The following PCNX4 variants were observed in gnomAD, a reference collection of about 807,000 sequenced individuals.
The protein encoded by PCNX4 is pecanex 4.
A neutral mutation model predicts 107.2 loss-of-function variants in PCNX4; 103 were observed. The observed-to-expected ratio is 0.96, with a 90% CI of 0.82 to 1.13. PCNX4 has a LOEUF of 1.13. Ranked by LOEUF, PCNX4 falls within the 50% of genes most tolerant of loss-of-function variation. The probability of loss-of-function intolerance (pLI) is 0.00; values close to 1 mark genes in which losing one functional copy is unlikely to be tolerated. For missense variants in PCNX4, 1,528 were observed against 1,379.4 expected (o/e 1.11, Z -1.71); for synonymous variants, 541 against 481.7 (o/e 1.12, Z -1.61).
chr14:60,147,476 C>A lies in PCNX4; in HGVS notation c.*13255C>A, dbSNP rs1471354844. The A allele has an allele frequency of 1.3e-5, 2 of 152,050 alleles. No homozygotes were observed. The highest frequency in any genetic ancestry group is 3.9e-4 in the East Asian group (2 of 5,186). The allele number at this position is 152,050 out of a possible 1,614,324, so 9.4% of individuals were successfully genotyped here. A position where few individuals can be genotyped will look rare whatever the true frequency, so the allele number is the denominator to read the frequency against. ...TTTTACAGTGTATATTAGATCATCA[C>A]AATGTATACCTTAAATATATATAAT... On this transcript the variant is annotated 3_prime_UTR_variant, in exon 11 of 11. Coordinates refer to ENST00000406854, the MANE Select transcript of PCNX4 (RefSeq NM_001330177.2).
At chr14:60,130,849 C>T (rs1896141377) in intron 10 of PCNX4, among the ~76,000 whole-genome samples, 1 of 151,818 alleles carries the variant, frequency 6.6e-6, no homozygotes, top group Admixed American at 6.6e-5. Flanking sequence ...CACCTGTAAT[C>T]CCAGCACTTT....
At position 60,114,872 on chromosome 14, in the gene PCNX4, C is replaced by T; in HGVS notation, c.862C>T (p.His288Tyr). 1 of 1,598,576 alleles carries T rather than the reference C, an allele frequency of 6.3e-7. No individual in the cohort carries two copies. The highest frequency in any genetic ancestry group is 1.1e-5 in the South Asian group (1 of 87,476). Reference sequence around the variant, plus strand: ...CCTTGGAGGCTCATCTATGTCAACCCACTTACGGTATTTATTTTTAAATAT... The same window carrying T: ...CCTTGGAGGCTCATCTATGTCAACCTACTTACGGTATTTATTTTTAAATAT... ...FGLGGSSMST[H>Y]LRLLVMFIMS... The change falls in exon 3 of 11, where the codon CAC (histidine) becomes TAC (tyrosine). Residue 288 changes from histidine (H) to tyrosine (Y), a missense_variant. His to Tyr is a moderately conservative substitution (Grantham distance 83). Transcript: ENST00000406854.
intron 2 of PCNX4, chr14:60,110,334 C>G (rs770001145): frequency 4.8e-5 from 8 of 167,118 alleles, no homozygotes; most frequent in African/African-American, 7.2e-5. Context: ...GGGCTACCAC[C>G]TGTTTCAACA....
chr14:60,140,644 A>G lies in PCNX4; in HGVS notation c.*6423A>G, dbSNP rs1487220330. On this transcript the variant is annotated 3_prime_UTR_variant, in exon 11 of 11. Transcript: ENST00000406854. This position sits in a 1 kb window ranked among gnomAD's most constrained non-coding sequence, Gnocchi z 4.2. Reference sequence around the variant, plus strand: ...CCCCTACACACACAGAATAATCACAATCAAGTTGGGTTTCTTCCTGAAAAA... The same window carrying G: ...CCCCTACACACACAGAATAATCACAGTCAAGTTGGGTTTCTTCCTGAAAAA... The G allele has an allele frequency of 6.6e-6, 1 of 151,968 alleles. No homozygotes were observed. Among genetic ancestry groups the G allele is most frequent in the Non-Finnish European group, 1.5e-5 (1 of 67,964 alleles). The allele number at this position is 151,968 out of a possible 1,614,324, so 9.4% of individuals were successfully genotyped here. A position where few individuals can be genotyped will look rare whatever the true frequency, so the allele number is the denominator to read the frequency against.
intron 6 of PCNX4, among the ~76,000 whole-genome samples, 183 bp from the exon 7 acceptor site, chr14:60,118,146 A>T (rs1389902432): frequency 6.6e-6 from 1 of 151,912 alleles, no homozygotes; most frequent in Middle Eastern, 3.2e-3. Flanking sequence ...AAACTTTAAA[A>T]TATAGTCTTG....
rs774155956 is a variant in PCNX4 at position 60,108,314 on chromosome 14, G to C, written c.676G>C (p.Asp226His). The change falls in exon 2 of 11, where the codon GAT (aspartate) becomes CAT (histidine). Residue 226 changes from aspartate to histidine, a missense_variant. Coordinates refer to ENST00000406854, the MANE Select transcript of PCNX4 (RefSeq NM_001330177.2). ...PLYIFFFVSV[D>H]LAHRFVVNMP... ...TTATATTTTTTTCTTTGTTTCTGTG[G>C]ATCTGGCACACAGGTAAAAACCTAC... 8.7e-6 allele frequency: 14 copies of C among 1,605,660 alleles called. No homozygotes were observed. In the Admixed American group the frequency reaches 1.5e-4, roughly 17 times the overall value.
At chr14:60,132,129 G>A (rs1896165898) in intron 10 of PCNX4, among the ~76,000 whole-genome samples, 1 of 152,208 alleles carries the variant, frequency 6.6e-6, no homozygotes, top group Non-Finnish European at 1.5e-5. Flanking sequence ...TTCCTCTAAC[G>A]GCTCTAGGAA....
At chr14:60,107,372 C>T (rs1359423594) in intron 1 of PCNX4, among the ~76,000 whole-genome samples, 1 of 152,112 alleles carries the variant, frequency 6.6e-6, no homozygotes, top group Non-Finnish European at 1.5e-5. Context: ...GAGTGATACC[C>T]TCTCTCAAAA....
rs1896401055 is a variant in PCNX4 at position 60,146,149 on chromosome 14, AAG to A, written c.*11929_*11930del. On this transcript the variant is annotated 3_prime_UTR_variant, in exon 11 of 11. Coordinates refer to ENST00000406854, the MANE Select transcript of PCNX4 (RefSeq NM_001330177.2). This position sits in a 1 kb window ranked among gnomAD's most constrained non-coding sequence, Gnocchi z 4.9. ...GCCCAGCTTATAATAAAGAGTGACA[AAG>A]TAGTAAGACTATATAATAAGCAATA... is the stretch of plus-strand genomic sequence containing the variant. The A allele has an allele frequency of 6.6e-6, 1 of 151,940 alleles. No homozygotes were observed. The highest frequency in any genetic ancestry group is 1.5e-5 in the Non-Finnish European group (1 of 67,960). 9.4% of individuals were successfully genotyped at this position (151,940 alleles called of 1,614,324 possible).
intron 10 of PCNX4, among the ~76,000 whole-genome samples, chr14:60,127,894 G>A: frequency 6.6e-6 from 1 of 152,068 alleles, no homozygotes; most frequent in East Asian, 1.9e-4. Context: ...ACAGTATGGT[G>A]ACAATCACAT....
intron 5 of PCNX4, 51 bp downstream of exon 5, chr14:60,115,870 T>C: frequency 6.3e-7 from 1 of 1,587,180 alleles, no homozygotes; most frequent in South Asian, 1.1e-5. Context: ...AGTTTTATTG[T>C]AATTTTGTTT....
rs142289515 is a variant in PCNX4, at chr14:60,122,619, A to G, written c.2046+1320A>G. On this transcript the variant is annotated intron_variant, in intron 8 of 10. Coordinates refer to ENST00000406854, the MANE Select transcript of PCNX4 (RefSeq NM_001330177.2). ...TGCTTTACTTTTTCCTTATTTTTAT[A>G]GTACTTATACCTTCTCACAAACTAT... 5.5e-4 allele frequency among the ~76,000 whole-genome samples: 84 copies of G among 152,118 alleles called. No homozygotes were observed. In the East Asian group the frequency reaches 0.015, roughly 26 times the overall value.
In PCNX4 at chr14:60,147,777, C is replaced by T. The variant is rs187472801; in HGVS notation, c.*13556C>T. On this transcript the variant is annotated 3_prime_UTR_variant, in exon 11 of 11. Coordinates refer to ENST00000406854, the MANE Select transcript of PCNX4 (RefSeq NM_001330177.2). ...CTTGCTTTAAGGGCATGGGGCAGAGCTGGGATTTGAACCCAGGTAGCCTAG... is the reference window on the plus strand; with the variant it reads ...CTTGCTTTAAGGGCATGGGGCAGAGTTGGGATTTGAACCCAGGTAGCCTAG... 2 of 152,188 alleles carry T rather than the reference C, an allele frequency of 1.3e-5. No individual in the cohort carries two copies. Among genetic ancestry groups the T allele is most frequent in the Admixed American group, 1.3e-4 (2 of 15,284 alleles). 9.4% of individuals were successfully genotyped at this position (152,188 alleles called of 1,614,324 possible).
chr14:60,121,271 G>T lies in PCNX4; in HGVS notation c.2018G>T (p.Gly673Val). 6.2e-7 allele frequency: 1 copy of T among 1,610,618 alleles called. No homozygotes were observed. Among genetic ancestry groups the T allele is most frequent in the Middle Eastern group, 1.7e-4 (1 of 6,044 alleles). Residue 673 changes from glycine to valine, a missense_variant, in exon 8 of 11, where the codon GGC becomes GTC. By Grantham distance (109) the Gly-to-Val change is moderately radical. Transcript: ENST00000406854. ...ATGTGGATAATGATTCTGGAATGTGGCTATACTTACTGCTCTATTAACATT... is the reference window on the plus strand; with the variant it reads ...ATGTGGATAATGATTCTGGAATGTGTCTATACTTACTGCTCTATTAACATT... ...RLMWIMILEC[G>V]YTYCSINIKG...
At chr14:60,125,980 C>G (rs1003813198) in intron 10 of PCNX4, 157 bp downstream of exon 10, 4 of 512,906 alleles carry the variant, frequency 7.8e-6, no homozygotes, top group Non-Finnish European at 1.3e-5. Context: ...TTTGGCTAAG[C>G]TAGATGAACT....
In PCNX4 at chr14:60,107,903, T is replaced by TC; in HGVS notation, c.265_266insC (p.Phe89SerfsTer27). On this transcript the variant is annotated frameshift_variant, in exon 2 of 11. Coordinates refer to ENST00000406854, the MANE Select transcript of PCNX4 (RefSeq NM_001330177.2). LOFTEE classifies it high-confidence loss of function. ...GCTTTTTACTGCATTTGTCATCCAG[T>TC]TCACAAGTTTATACGCCAAAAACAA... 6.2e-7 allele frequency: 1 copy of TC among 1,612,880 alleles called. No individual in the cohort carries two copies. The highest frequency in any genetic ancestry group is 8.5e-7 in the Non-Finnish European group (1 of 1,179,898).
chr14:60,134,097 A>T lies in PCNX4; in HGVS notation c.3395A>T (p.Asp1132Val). 6.2e-7 allele frequency: 1 copy of T among 1,613,916 alleles called. No homozygotes were observed. The highest frequency in any genetic ancestry group is 8.5e-7 in the Non-Finnish European group (1 of 1,179,812). ...GAATTACTTTATGCCACAAACGATG[A>T]TGAAGAACGTTATAGTATACAAGCT... is the stretch of plus-strand genomic sequence containing the variant. ...SWELLYATND[D>V]EERYSIQAHP... The change falls in exon 11 of 11, where the codon GAT becomes GTT. Residue 1132 changes from aspartate to valine, a missense_variant. Coordinates refer to ENST00000406854, the MANE Select transcript of PCNX4 (RefSeq NM_001330177.2).
intron 2 of PCNX4, among the ~76,000 whole-genome samples, chr14:60,112,843 C>CT (rs1363079523): frequency 6.6e-6 from 1 of 152,190 alleles, no homozygotes; most frequent in Non-Finnish European, 1.5e-5. Context: ...GTATTGTCCT[C>CT]TAATTTAACA....
chr14:60,145,864 C>G lies in PCNX4; in HGVS notation c.*11643C>G, dbSNP rs749907540. 5 of 151,890 alleles carry G rather than the reference C, an allele frequency of 3.3e-5. No homozygotes were observed. The highest frequency in any genetic ancestry group is 7.4e-5 in the Non-Finnish European group (5 of 67,962). 9.4% of individuals were successfully genotyped at this position (151,890 alleles called of 1,614,324 possible). ...GATAATACAAAATTCAGTGTAGCCACTGTTCTTGATCCCTAAAAATAATAA... is the reference window on the plus strand; with the variant it reads ...GATAATACAAAATTCAGTGTAGCCAGTGTTCTTGATCCCTAAAAATAATAA... On this transcript the variant is annotated 3_prime_UTR_variant, in exon 11 of 11. Transcript: ENST00000406854. This position sits in a 1 kb window ranked among gnomAD's most constrained non-coding sequence, Gnocchi z 4.0.
Sources: allele counts gnomAD v4.1 joint callset (sites outside exome capture counted in the v4.1 genomes callset), GRCh38; gene constraint gnomAD v4.1.1; non-coding constraint Gnocchi (gnomAD v3.1); transcripts MANE v1.5; gene names NCBI Gene and HGNC (gene_info 2026-07-23, HGNC 2026-07-21).